The following MSI2 variants were observed in gnomAD, a reference collection of about 807,000 sequenced individuals.
The protein encoded by MSI2 is RNA-binding protein Musashi homolog 2.
In MSI2, 17 loss-of-function variants were observed where a neutral mutation model predicts 45.6. That is an observed-to-expected ratio of 0.37 (90% CI 0.26 to 0.56). MSI2 has a LOEUF of 0.56. MSI2 is among the 20% of genes least tolerant of loss of function. The probability of loss-of-function intolerance (pLI) is 0.77; values close to 1 mark genes in which losing one functional copy is unlikely to be tolerated. For missense variants in MSI2, 293 were observed against 444.2 expected (o/e 0.66, Z 3.06); for synonymous variants, 156 against 158.2 (o/e 0.99, Z 0.11).
chr17:57,563,725 C>G (rs1204097425), intron 7 of MSI2, among the ~76,000 whole-genome samples: 1 of 147,164 alleles, frequency 6.8e-6, no homozygotes, highest in Non-Finnish European at 1.5e-5. Flanking sequence ...CTCTCTTTCC[C>G]TCTCACACAC....
the MSI2 span, among the ~76,000 whole-genome samples, chr17:57,699,014 GGAGAGAGA>G: frequency 0.046 from 1,070 of 23,470 alleles, 193 homozygotes; most frequent in Middle Eastern, 0.089. Context: ...GAAGAGGCGA[GGAGAGAGA>G]GAGAGAGAGA....
Position 57,256,631 on chromosome 17 carries a change from G to C in MSI2, c.-112G>C. 1 of 461,024 alleles carries C rather than the reference G, an allele frequency of 2.2e-6. No individual in the cohort carries two copies. The highest frequency in any genetic ancestry group is 3.7e-6 in the Non-Finnish European group (1 of 270,662). The allele number at this position is 461,024 out of a possible 1,614,324, so 28.6% of individuals were successfully genotyped here. ...TTCGGAGGAGCCCGGGCGGGGGGGAGGAGGAGGGGGAGGAGGGAGCGGAGA... is the reference window on the plus strand; with the variant it reads ...TTCGGAGGAGCCCGGGCGGGGGGGACGAGGAGGGGGAGGAGGGAGCGGAGA... On this transcript the variant is annotated 5_prime_UTR_variant, in exon 1 of 14. Transcript: ENST00000284073.
intron 5 of MSI2, among the ~76,000 whole-genome samples, chr17:57,329,760 A>G (rs1466442678): frequency 6.6e-6 from 1 of 152,202 alleles, no homozygotes; most frequent in Non-Finnish European, 1.5e-5. Flanking sequence ...TTTAAAGTAT[A>G]ATCAAATCAG....
At chr17:57,401,104 C>T (rs535247215) in intron 5 of MSI2, among the ~76,000 whole-genome samples, 6 of 152,176 alleles carry the variant, frequency 3.9e-5, no homozygotes, top group African/African-American at 1.4e-4. Flanking sequence ...TTTGCTAGTC[C>T]ATCAGAATGA....
In MSI2 at chr17:57,681,044, A is replaced by G. The variant is rs1408793433; in HGVS notation, c.*1527A>G. The stretch of plus-strand genomic sequence containing the variant: ...ACCTCAGTGCTGCAAGTATCACCAG[A>G]GAGGCTATGGAAGAATTTTTTTTTA... On this transcript the variant is annotated 3_prime_UTR_variant, in exon 14 of 14. Coordinates refer to ENST00000284073, the MANE Select transcript of MSI2 (RefSeq NM_138962.4). 2.2e-5 allele frequency: 4 copies of G among 185,330 alleles called. No homozygotes were observed. The highest frequency in any genetic ancestry group is 7.0e-5 in the African/African-American group (3 of 42,620). 11.5% of individuals were successfully genotyped at this position (185,330 alleles called of 1,614,324 possible).
At chr17:57,497,591 A>G (rs1352396653) in intron 6 of MSI2, among the ~76,000 whole-genome samples, 10 of 152,214 alleles carry the variant, frequency 6.6e-5, no homozygotes, top group Non-Finnish European at 1.2e-4. Context: ...TCTGAAGGCC[A>G]TGTTTTTCAG....
At chr17:57,497,715 T>C (rs918422001) in intron 6 of MSI2, among the ~76,000 whole-genome samples, 1 of 152,172 alleles carries the variant, frequency 6.6e-6, no homozygotes, top group Non-Finnish European at 1.5e-5. Flanking sequence ...AACTGAAACA[T>C]GCTTTCTGAA....
intron 13 of MSI2, among the ~76,000 whole-genome samples, chr17:57,677,286 C>G (rs1913301867): frequency 1.3e-5 from 2 of 152,214 alleles, no homozygotes; most frequent in African/African-American, 4.8e-5. Flanking sequence ...GACTCTCTCT[C>G]TTTTTTTCTT....
intron 6 of MSI2, among the ~76,000 whole-genome samples, chr17:57,413,842 G>T (rs868858653): frequency 1.1e-4 from 16 of 152,098 alleles, no homozygotes; most frequent in African/African-American, 3.9e-4. Flanking sequence ...GGACTGTTTA[G>T]TGCAGGGAAA....
chr17:57,470,116 TG>T (rs1246957344), intron 6 of MSI2, among the ~76,000 whole-genome samples: 4 of 152,192 alleles, frequency 2.6e-5, no homozygotes, highest in Admixed American at 1.3e-4. Flanking sequence ...GGTGCTGTCC[TG>T]CAGTTCCCCT....
chr17:57,511,671 A>G (rs1386297965), intron 6 of MSI2, among the ~76,000 whole-genome samples: 1 of 152,152 alleles, frequency 6.6e-6, no homozygotes, highest in Non-Finnish European at 1.5e-5. Context: ...AGCAGGGTTG[A>G]TTAAGCCCCT....
intron 11 of MSI2, among the ~76,000 whole-genome samples, chr17:57,659,232 T>C (rs1911820360): frequency 6.6e-6 from 1 of 151,824 alleles, no homozygotes; most frequent in Admixed American, 6.6e-5. Context: ...GCTTTGGTTT[T>C]TTTGTGTGTT....
At chr17:57,423,190 T>C (rs987097489) in intron 6 of MSI2, among the ~76,000 whole-genome samples, 1 of 152,260 alleles carries the variant, frequency 6.6e-6, no homozygotes, top group Non-Finnish European at 1.5e-5. Flanking sequence ...GGATGGCTTA[T>C]GAAAATTAAT....
intron 6 of MSI2, among the ~76,000 whole-genome samples, chr17:57,462,635 A>G (rs552888144): frequency 6.6e-6 from 1 of 152,360 alleles, no homozygotes; most frequent in South Asian, 2.1e-4. Flanking sequence ...ATATTCCAGC[A>G]CAGAGCAGGA....
intron 5 of MSI2, among the ~76,000 whole-genome samples, chr17:57,340,313 T>C (rs1184311437): frequency 2.0e-5 from 3 of 152,194 alleles, no homozygotes. Flanking sequence ...CCTTGTGCTG[T>C]ACTTAACCCT....
intron 5 of MSI2, among the ~76,000 whole-genome samples, chr17:57,317,489 C>G (rs2143645580): frequency 6.6e-6 from 1 of 151,066 alleles, no homozygotes. Context: ...TACACTCTAT[C>G]CCATGTTATA....
At chr17:57,440,097 G>C (rs2084769047) in intron 6 of MSI2, among the ~76,000 whole-genome samples, 1 of 152,110 alleles carries the variant, frequency 6.6e-6, no homozygotes, top group Non-Finnish European at 1.5e-5. Flanking sequence ...GTGGTGTTTT[G>C]ACCTAGAAGC....
intron 5 of MSI2, among the ~76,000 whole-genome samples, chr17:57,374,150 A>C (rs2083459556): frequency 6.6e-6 from 1 of 152,248 alleles, no homozygotes; most frequent in South Asian, 2.1e-4. Context: ...AATTTAAGAC[A>C]GACAAAGACA....
intron 10 of MSI2, among the ~76,000 whole-genome samples, chr17:57,641,736 CT>C (rs1910278984): frequency 6.6e-6 from 1 of 152,170 alleles, no homozygotes; most frequent in African/African-American, 2.4e-5. Flanking sequence ...GTTGATGCCT[CT>C]TTTGAAGCTA....
Sources: allele counts gnomAD v4.1 joint callset (sites outside exome capture counted in the v4.1 genomes callset), GRCh38; gene constraint gnomAD v4.1.1; transcripts MANE v1.5; gene names NCBI Gene and HGNC (gene_info 2026-07-23, HGNC 2026-07-21).